COQ5: variants seen among roughly 807,000 people sequenced by gnomAD.
COQ5 encodes the protein 2-methoxy-6-polyprenyl-1,4-benzoquinol methylase, mitochondrial.
Under a neutral mutation model 40.5 loss-of-function variants are expected in COQ5, and 27 were observed. That is an observed-to-expected ratio of 0.67 (90% confidence interval 0.49 to 0.92). COQ5 has a LOEUF of 0.92. Ranked by LOEUF, COQ5 falls within the 40% of genes least tolerant of loss-of-function variation. The probability of loss-of-function intolerance (pLI) is 0.00; values close to 1 mark genes in which losing one functional copy is unlikely to be tolerated. For synonymous variants in COQ5, 141 were observed against 150.0 expected, an observed-to-expected ratio of 0.94 and a Z score of 0.44; for missense variants, 409 against 406.4, an observed-to-expected ratio of 1.01 and a Z score of -0.06.
At chr12:120,527,668 T>C (rs1199374263) in intron 1 of COQ5, among the ~76,000 whole-genome samples, 1 of 152,028 alleles carries the variant, frequency 6.6e-6, no homozygotes, top group Non-Finnish European at 1.5e-5. Context: ...TGATTATACA[T>C]TGATTATACA....
chr12:120,521,877 G>C (rs1869678142), intron 2 of COQ5, among the ~76,000 whole-genome samples: 1 of 148,996 alleles, frequency 6.7e-6, no homozygotes, highest in South Asian at 2.1e-4. Context: ...TACGCCCGTA[G>C]TCCCAGCTAC....
chr12:120,505,747 G>A (rs1238066071), intron 4 of COQ5, among the ~76,000 whole-genome samples: 1 of 151,984 alleles, frequency 6.6e-6, no homozygotes, highest in Admixed American at 6.6e-5. Context: ...GTAGAGACGG[G>A]GTTTCTCCAC....
At chr12:120,506,061 G>A (rs1868870464) in intron 4 of COQ5, among the ~76,000 whole-genome samples, 1 of 151,978 alleles carries the variant, frequency 6.6e-6, no homozygotes, top group Non-Finnish European at 1.5e-5. Flanking sequence ...CACCATGTTG[G>A]CCAGGCCAGT....
rs1199409433 is a variant in COQ5 at position 120,510,112 on chromosome 12, C to A, written c.586G>T (p.Val196Leu). The change falls in exon 4 of 7, where the codon GTA becomes TTA. Residue 196 changes from valine to leucine, a missense_variant. Transcript: ENST00000288532. ...AQGYRAGLAW[V>L]LGDAEELPFD... is the part of the protein sequence containing the mutation. Reference sequence around the variant, plus strand: ...GGCAGTTCTTCAGCATCTCCTAATACCCATGCAAGTCCTGAAAGAGAAAGT... The same window carrying A: ...GGCAGTTCTTCAGCATCTCCTAATAACCATGCAAGTCCTGAAAGAGAAAGT... 1 of 1,613,188 alleles carries A rather than the reference C, an allele frequency of 6.2e-7. No homozygotes were observed. Among genetic ancestry groups the A allele is most frequent in the Admixed American group, 1.7e-5 (1 of 59,966 alleles).
chr12:120,510,057 G>C lies in COQ5; in HGVS notation c.641C>G (p.Thr214Ser), dbSNP rs1565929746. ...PFDDDKFDIY[T>S]IAFGIRNVTH... ...GACATTCCGGATCCCAAAGGCAATG[G>C]TGTAAATATCAAACTTGTCATCATC... The change falls in exon 4 of 7, where the codon ACC becomes AGC. Residue 214 changes from threonine (T) to serine (S), a missense_variant. Coordinates refer to ENST00000288532, the MANE Select transcript of COQ5 (RefSeq NM_032314.4). 1 of 1,614,080 alleles carries C rather than the reference G, an allele frequency of 6.2e-7. No homozygotes were observed. The highest frequency in any genetic ancestry group is 2.2e-5 in the East Asian group (1 of 44,872).
chr12:120,525,348 C>A (rs1209270829), intron 1 of COQ5, among the ~76,000 whole-genome samples: 1 of 152,070 alleles, frequency 6.6e-6, no homozygotes, highest in Non-Finnish European at 1.5e-5. Context: ...CTGCCCACCT[C>A]AGCCTCCCAA....
At chr12:120,521,722 C>G (rs973290455) in intron 2 of COQ5, among the ~76,000 whole-genome samples, 1 of 151,216 alleles carries the variant, frequency 6.6e-6, no homozygotes, top group African/African-American at 2.4e-5. Flanking sequence ...AGACAGGCAC[C>G]GGCCAGGTTC....
chr12:120,518,360 T>C (rs1211839529), intron 2 of COQ5, among the ~76,000 whole-genome samples: 1 of 135,318 alleles, frequency 7.4e-6, no homozygotes, highest in Non-Finnish European at 1.5e-5. Flanking sequence ...GCCTGGGGGG[T>C]GGAGGTTGCA....
At chr12:120,523,789 C>T (rs1295624975) in intron 1 of COQ5, 1 of 243,484 alleles carries the variant, frequency 4.1e-6, no homozygotes, top group Non-Finnish European at 8.4e-6. Flanking sequence ...GGGGGTGGTT[C>T]ACTCGAGGCC....
chr12:120,516,656 A>C lies in COQ5; in HGVS notation c.485T>G (p.Leu162Trp), dbSNP rs190556242. The change falls in exon 3 of 7, where the codon TTG becomes TGG. Residue 162 changes from leucine to tryptophan, a missense_variant. Leu to Trp is a moderately conservative substitution (Grantham distance 61). Transcript: ENST00000288532. ...AKEYQNEEDS[L>W]GGSRVVVCDI... The stretch of plus-strand genomic sequence containing the variant: ...ACACACCACGACACGAGACCCGCCC[A>C]AGGAATCTTCTTCATTCTGGTACTC... The C allele has an allele frequency of 6.2e-7, 1 of 1,614,106 alleles. No homozygotes were observed.
chr12:120,518,885 T>G (rs998668191), intron 2 of COQ5, among the ~76,000 whole-genome samples: 3 of 152,224 alleles, frequency 2.0e-5, no homozygotes, highest in African/African-American at 7.2e-5. Context: ...TATTAATTAT[T>G]TTGTGCATCT....
intron 3 of COQ5, among the ~76,000 whole-genome samples, chr12:120,511,073 TG>T (rs1188369869): frequency 4.0e-5 from 6 of 151,756 alleles, no homozygotes; most frequent in South Asian, 2.1e-4. Flanking sequence ...GATCGAAACA[TG>T]GTGAAACCCC....
chr12:120,523,230 G>A (rs566075701), intron 1 of COQ5: 17 of 193,650 alleles, frequency 8.8e-5, no homozygotes, highest in South Asian at 7.7e-4. Context: ...CCAGCTACTC[G>A]GGAGGCTGAG....
chr12:120,504,324 A>G (rs1272145879), intron 5 of COQ5, among the ~76,000 whole-genome samples: 1 of 151,866 alleles, frequency 6.6e-6, no homozygotes, highest in African/African-American at 2.4e-5. Context: ...ATGTGGGGAG[A>G]TAGGCCTACC....
Position 120,516,728 on chromosome 12 carries a change from C to T in COQ5, c.413G>A (p.Arg138Lys), listed in dbSNP as rs1032915160. Residue 138 changes from arginine to lysine, a missense_variant, in exon 3 of 7, where the codon AGG (arginine) becomes AAG (lysine). By Grantham distance (26) the Arg-to-Lys change is conservative. Transcript: ENST00000288532. ...VQSQHQRKQK[R>K]QLRAQQNLSW... is the part of the protein sequence containing the mutation. ...TAAATTTTGTTGGGCCCTTAACTGC[C>T]TCTTCTGTTTTCTCTGATGCTGGGA... 1.9e-6 allele frequency: 3 copies of T among 1,614,080 alleles called. No homozygotes were observed. The highest frequency in any genetic ancestry group is 2.5e-6 in the Non-Finnish European group (3 of 1,180,050).
chr12:120,522,643 A>G, intron 1 of COQ5: 4 of 653,844 alleles, frequency 6.1e-6, no homozygotes, highest in Non-Finnish European at 1.1e-5. Context: ...CTGTCCTCAC[A>G]TTGGCAGACA....
chr12:120,527,988 CAAAAAAAAAAAAAAAAAAA>C (rs55830211), intron 1 of COQ5, among the ~76,000 whole-genome samples: 28 of 23,030 alleles, frequency 1.2e-3, no homozygotes, highest in African/African-American at 3.1e-3. Flanking sequence ...GACTCAGTCT[CAAAAAAAAAAAAAAAAAAA>C]AAAAAAAAAA....
intron 3 of COQ5, among the ~76,000 whole-genome samples, chr12:120,513,078 G>C (rs1293772497): frequency 6.6e-6 from 1 of 150,892 alleles, no homozygotes; most frequent in Non-Finnish European, 1.5e-5. Context: ...GGGATTACAG[G>C]TGTGAGCCAC....
chr12:120,511,605 G>C (rs1226596995), intron 3 of COQ5, among the ~76,000 whole-genome samples: 1 of 152,114 alleles, frequency 6.6e-6, no homozygotes, highest in East Asian at 1.9e-4. Context: ...GGGTAACACA[G>C]CAAGACCATA....
Sources: gnomAD v4.1 joint callset for allele counts (sites outside exome capture counted in the v4.1 genomes callset) on GRCh38, gnomAD v4.1.1 for gene constraint, MANE v1.5 for transcripts, NCBI Gene and HGNC (gene_info 2026-07-23, HGNC 2026-07-21) for gene names.